The following RFTN2 variants were observed in gnomAD, a reference collection of about 807,000 sequenced individuals.
RFTN2 encodes the protein raftlin family member 2, also known as raftlin-2.
RFTN2 carries 34 observed loss-of-function variants against 52.7 expected under a neutral mutation model. The ratio of observed to expected loss-of-function variants is 0.64; its 90% CI spans 0.49 to 0.86. The LOEUF is 0.86. Ranked by LOEUF, RFTN2 falls within the 40% of genes least tolerant of loss-of-function variation. RFTN2 has a pLI of 0.00. For missense variants in RFTN2, 536 were observed against 600.1 expected (o/e 0.89, Z 1.12); for synonymous variants, 203 against 217.7 (o/e 0.93, Z 0.59).
intron 8 of RFTN2, among the ~76,000 whole-genome samples, chr2:197,591,701 C>T (rs760386341): frequency 7.2e-5 from 11 of 152,086 alleles, no homozygotes; most frequent in Admixed American, 2.6e-4. Flanking sequence ...GAGCCCTGCC[C>T]GGCGGGGAGG....
At chr2:197,617,417 T>A (rs897120283) in intron 6 of RFTN2, among the ~76,000 whole-genome samples, 1 of 152,192 alleles carries the variant, frequency 6.6e-6, no homozygotes, top group Non-Finnish European at 1.5e-5. Flanking sequence ...TAAACAAATA[T>A]GTGTTTAAGG....
intron 5 of RFTN2, among the ~76,000 whole-genome samples, chr2:197,621,785 TGAAAA>T (rs368137429): frequency 1.3e-4 from 20 of 152,210 alleles, no homozygotes; most frequent in African/African-American, 4.6e-4. Context: ...GGTGTTCAAG[TGAAAA>T]GAAGAGTCAC....
At chr2:197,659,684 G>C (rs572135707) in intron 1 of RFTN2, among the ~76,000 whole-genome samples, 1 of 151,966 alleles carries the variant, frequency 6.6e-6, no homozygotes, top group East Asian at 1.9e-4. Flanking sequence ...TGGCGTGGTG[G>C]CGTGTGCCTG....
chr2:197,644,673 C>T (rs1559362373), intron 2 of RFTN2, among the ~76,000 whole-genome samples: 1 of 152,074 alleles, frequency 6.6e-6, no homozygotes, highest in African/African-American at 2.4e-5. Flanking sequence ...GCTTATTCTT[C>T]GGCTTGCCAG....
chr2:197,605,057 T>A (rs573561198), intron 7 of RFTN2, among the ~76,000 whole-genome samples: 1 of 152,234 alleles, frequency 6.6e-6, no homozygotes, highest in Non-Finnish European at 1.5e-5. Flanking sequence ...ACACCCAGCG[T>A]GTGTTTTATG....
At chr2:197,668,700 G>C (rs2089097368) in intron 1 of RFTN2, among the ~76,000 whole-genome samples, 1 of 152,120 alleles carries the variant, frequency 6.6e-6, no homozygotes, top group African/African-American at 2.4e-5. Flanking sequence ...ACTAGATCTA[G>C]GACAGTACTT....
At chr2:197,617,278 TTAC>T (rs1467220492) in intron 6 of RFTN2, among the ~76,000 whole-genome samples, 5 of 152,196 alleles carry the variant, frequency 3.3e-5, no homozygotes, top group Non-Finnish European at 7.3e-5. Context: ...TTTTGGGAAC[TTAC>T]TGCTGCTTAT....
chr2:197,652,164 G>A (rs144389333), intron 1 of RFTN2, among the ~76,000 whole-genome samples: 5 of 152,276 alleles, frequency 3.3e-5, no homozygotes, highest in Non-Finnish European at 7.3e-5. Flanking sequence ...TTTTCCATGT[G>A]GCATGGCTGG....
At chr2:197,574,050 G>A (rs1030336610) in intron 8 of RFTN2, among the ~76,000 whole-genome samples, 1 of 152,214 alleles carries the variant, frequency 6.6e-6, no homozygotes, top group Non-Finnish European at 1.5e-5. Context: ...GGGCAGTGTG[G>A]AAGGGAATTG....
intron 8 of RFTN2, among the ~76,000 whole-genome samples, chr2:197,590,964 CT>C (rs2087701951): frequency 6.6e-6 from 1 of 152,240 alleles, no homozygotes; most frequent in Admixed American, 6.5e-5. Context: ...GTTGCCACTG[CT>C]GGCTGAGGCA....
chr2:197,580,928 C>T (rs919945287), intron 8 of RFTN2, among the ~76,000 whole-genome samples: 1 of 152,178 alleles, frequency 6.6e-6, no homozygotes, highest in East Asian at 1.9e-4. Flanking sequence ...TGGACCACAG[C>T]CACATCTCAT....
intron 5 of RFTN2, among the ~76,000 whole-genome samples, chr2:197,620,064 A>G (rs2088236371): frequency 6.6e-6 from 1 of 152,102 alleles, no homozygotes; most frequent in South Asian, 2.1e-4. Context: ...AATTATAACC[A>G]TTAAGAGAAA....
At chr2:197,582,216 A>G (rs2087522227) in intron 8 of RFTN2, among the ~76,000 whole-genome samples, 1 of 152,212 alleles carries the variant, frequency 6.6e-6, no homozygotes, top group Non-Finnish European at 1.5e-5. Flanking sequence ...CATAACTTCC[A>G]AAATCTATTT....
At chr2:197,605,055 C>A (rs1484966534) in intron 7 of RFTN2, among the ~76,000 whole-genome samples, 1 of 152,066 alleles carries the variant, frequency 6.6e-6, no homozygotes, top group Non-Finnish European at 1.5e-5. Flanking sequence ...CCACACCCAG[C>A]GTGTGTTTTA....
chr2:197,651,590 TG>T (rs759777388), intron 1 of RFTN2, among the ~76,000 whole-genome samples: 5 of 152,084 alleles, frequency 3.3e-5, no homozygotes, highest in African/African-American at 4.8e-5. Flanking sequence ...CATTCCAGCC[TG>T]GGTGATAAGA....
At chr2:197,666,700 T>C (rs558179843) in intron 1 of RFTN2, among the ~76,000 whole-genome samples, 1 of 152,372 alleles carries the variant, frequency 6.6e-6, no homozygotes, top group East Asian at 1.9e-4. Flanking sequence ...TTTTCACCTA[T>C]TATTTCATTA....
chr2:197,580,250 TA>T (rs1331305835), intron 8 of RFTN2, among the ~76,000 whole-genome samples: 1 of 152,014 alleles, frequency 6.6e-6, no homozygotes, highest in African/African-American at 2.4e-5. Flanking sequence ...AGGTGTACAA[TA>T]ACAGAGAAGA....
At chr2:197,670,550 G>A (rs1366017129) in intron 1 of RFTN2, among the ~76,000 whole-genome samples, 1 of 151,248 alleles carries the variant, frequency 6.6e-6, no homozygotes, top group Non-Finnish European at 1.5e-5. Flanking sequence ...GGTGGCACAT[G>A]TGTAGTCCCA....
intron 8 of RFTN2, among the ~76,000 whole-genome samples, chr2:197,584,030 T>A (rs1452686732): frequency 6.6e-6 from 1 of 152,212 alleles, no homozygotes; most frequent in Non-Finnish European, 1.5e-5. Context: ...CTATCATTGA[T>A]GGACATTCGG....
Sources: gnomAD v4.1 joint callset for allele counts (sites outside exome capture counted in the v4.1 genomes callset) on GRCh38, gnomAD v4.1.1 for gene constraint, MANE v1.5 for transcripts, NCBI Gene and HGNC (gene_info 2026-07-23, HGNC 2026-07-21) for gene names.